The following PTPRM variants were observed in gnomAD, a reference collection of about 807,000 sequenced individuals.
PTPRM encodes protein tyrosine phosphatase receptor type M.
Under a neutral mutation model 186.7 loss-of-function variants are expected in PTPRM, and 47 were observed. The observed-to-expected ratio is 0.25, with a 90% CI of 0.20 to 0.32. The LOEUF is 0.32. Ranked by LOEUF, PTPRM falls within the 10% of genes least tolerant of loss-of-function variation. PTPRM has a pLI of 1.00. For missense variants in PTPRM, 1,494 were observed against 1,865.0 expected (o/e 0.80, Z 3.66); for synonymous variants, 668 against 674.9 (o/e 0.99, Z 0.16).
At chr18:8,038,715 T>C (rs1404424966) in intron 7 of PTPRM, among the ~76,000 whole-genome samples, 1 of 152,128 alleles carries the variant, frequency 6.6e-6, no homozygotes, top group Non-Finnish European at 1.5e-5. Context: ...TTTAAGCACA[T>C]AGCCGTATTT....
chr18:7,827,226 C>A (rs2045532722), intron 2 of PTPRM, among the ~76,000 whole-genome samples: 1 of 152,232 alleles, frequency 6.6e-6, no homozygotes, highest in South Asian at 2.1e-4. Context: ...AGGCAAATTA[C>A]TGTGTCCCTC....
At chr18:7,641,152 A>T (rs1159567968) in intron 1 of PTPRM, among the ~76,000 whole-genome samples, 2 of 152,134 alleles carry the variant, frequency 1.3e-5, no homozygotes, top group Non-Finnish European at 2.9e-5. Context: ...TCCTACTTGG[A>T]GCTGCTGAAA....
chr18:8,228,106 A>G (rs1042592675), intron 14 of PTPRM, among the ~76,000 whole-genome samples: 3 of 152,092 alleles, frequency 2.0e-5, no homozygotes, highest in Non-Finnish European at 4.4e-5. Flanking sequence ...GCTGTGGGTT[A>G]CTCCCAAGTG....
At chr18:8,258,994 A>G (rs2094601346) in intron 19 of PTPRM, among the ~76,000 whole-genome samples, 1 of 152,132 alleles carries the variant, frequency 6.6e-6, no homozygotes, top group African/African-American at 2.4e-5. Flanking sequence ...TCTGTCACCC[A>G]GGCTGGAGTG....
At chr18:7,657,098 A>G (rs1446779199) in intron 1 of PTPRM, among the ~76,000 whole-genome samples, 1 of 152,174 alleles carries the variant, frequency 6.6e-6, no homozygotes, top group Non-Finnish European at 1.5e-5. Context: ...TTGAGAGAAA[A>G]TAGTTGTGTC....
At chr18:8,029,037 A>G (rs930124870) in intron 7 of PTPRM, among the ~76,000 whole-genome samples, 2 of 152,184 alleles carry the variant, frequency 1.3e-5, no homozygotes, top group African/African-American at 2.4e-5. Flanking sequence ...GGCCTTCCCT[A>G]TGCAATGGCT....
intron 31 of PTPRM, 32 bp from the exon 32 acceptor site, chr18:8,394,444 C>G: frequency 6.3e-7 from 1 of 1,590,198 alleles, no homozygotes; most frequent in Non-Finnish European, 8.6e-7. Flanking sequence ...AAAGACAGAC[C>G]GAGTGCAGTC....
chr18:7,658,327 A>C (rs1568010637), intron 1 of PTPRM, among the ~76,000 whole-genome samples: 1 of 97,710 alleles, frequency 1.0e-5, no homozygotes, highest in Non-Finnish European at 1.8e-5. Context: ...AATTAAAGTA[A>C]ATTTATATAT....
At chr18:7,860,728 A>G (rs998821808) in intron 2 of PTPRM, among the ~76,000 whole-genome samples, 2 of 152,206 alleles carry the variant, frequency 1.3e-5, no homozygotes, top group African/African-American at 4.8e-5. Context: ...ATAATCTTAG[A>G]TGTATGTTAC....
At chr18:7,994,446 AT>A (rs1456793860) in intron 7 of PTPRM, among the ~76,000 whole-genome samples, 3 of 152,138 alleles carry the variant, frequency 2.0e-5, no homozygotes, top group Non-Finnish European at 4.4e-5. Context: ...ACAAAGAAAT[AT>A]TGGACTTAAA....
intron 1 of PTPRM, among the ~76,000 whole-genome samples, chr18:7,607,364 C>T (rs980876803): frequency 6.6e-6 from 1 of 152,028 alleles, no homozygotes; most frequent in Admixed American, 6.6e-5. Context: ...GTGATAAGAA[C>T]GACTGATGTG....
intron 1 of PTPRM, among the ~76,000 whole-genome samples, chr18:7,693,349 C>T (rs560126996): frequency 6.6e-6 from 1 of 152,210 alleles, no homozygotes; most frequent in Admixed American, 6.5e-5. Flanking sequence ...TGTAACTTGT[C>T]CACAGTCTCA....
chr18:7,779,541 T>G (rs964913052), intron 2 of PTPRM, among the ~76,000 whole-genome samples: 1 of 152,244 alleles, frequency 6.6e-6, no homozygotes, highest in African/African-American at 2.4e-5. Context: ...GAAGATGGAT[T>G]GACAGACAAA....
chr18:7,993,118 T>C (rs2083348765), intron 7 of PTPRM, among the ~76,000 whole-genome samples: 2 of 151,484 alleles, frequency 1.3e-5, no homozygotes, highest in Non-Finnish European at 2.9e-5. Flanking sequence ...GTGGATTAGG[T>C]CAAGCAGAAG....
chr18:7,774,409 G>A, intron 2 of PTPRM, 138 bp downstream of exon 2: 1 of 1,031,012 alleles, frequency 9.7e-7, no homozygotes, highest in South Asian at 1.6e-5. Flanking sequence ...TAGCTAGTGA[G>A]AGTGGTGCAA....
intron 2 of PTPRM, among the ~76,000 whole-genome samples, chr18:7,864,075 C>G (rs1599137701): frequency 1.3e-5 from 2 of 152,044 alleles, no homozygotes; most frequent in South Asian, 4.1e-4. Context: ...TGTTTAAATT[C>G]TTTGTGTATT....
intron 2 of PTPRM, among the ~76,000 whole-genome samples, chr18:7,813,194 G>C (rs1009714101): frequency 6.6e-6 from 1 of 152,192 alleles, no homozygotes; most frequent in Non-Finnish European, 1.5e-5. Context: ...ATGAGTGAGG[G>C]GAATGGCAGA....
At chr18:8,121,058 G>A (rs1600682718) in intron 13 of PTPRM, among the ~76,000 whole-genome samples, 2 of 152,158 alleles carry the variant, frequency 1.3e-5, no homozygotes, top group South Asian at 2.1e-4. Context: ...TCTGTAATGC[G>A]TTAATGCACT....
intron 1 of PTPRM, among the ~76,000 whole-genome samples, chr18:7,574,655 G>C (rs889975734): frequency 1.1e-4 from 16 of 152,252 alleles, no homozygotes; most frequent in Non-Finnish European, 2.2e-4. Context: ...CTGGAAGTTA[G>C]TAGATGTAAG....
Sources: gnomAD v4.1 joint callset for allele counts (sites outside exome capture counted in the v4.1 genomes callset) on GRCh38, gnomAD v4.1.1 for gene constraint, MANE v1.5 for transcripts, NCBI Gene and HGNC (gene_info 2026-07-23, HGNC 2026-07-21) for gene names.